CARS1: variants seen among roughly 807,000 people sequenced by gnomAD.
The protein encoded by CARS1 is cysteinyl-tRNA synthetase 1.
Under a neutral mutation model 106.2 loss-of-function variants are expected in CARS1, and 48 were observed. The ratio of observed to expected loss-of-function variants is 0.45; its 90% CI spans 0.36 to 0.57. The LOEUF is 0.57. Ranked by LOEUF, CARS1 falls within the 20% of genes least tolerant of loss-of-function variation. The pLI is 0.00. For synonymous variants in CARS1, 409 were observed against 403.4 expected (o/e 1.01, Z -0.17); for missense variants, 968 against 1,057.2 (o/e 0.92, Z 1.17).
At position 3,053,962 on chromosome 11, in the gene CARS1, C is replaced by G. The variant is rs1407586570; in HGVS notation, c.25+3381G>C. Among the ~76,000 whole-genome samples, 1 of 152,124 alleles carries G rather than the reference C, an allele frequency of 6.6e-6. No individual in the cohort carries two copies. Among genetic ancestry groups the G allele is most frequent in the Admixed American group, 6.5e-5 (1 of 15,270 alleles). On this transcript the variant is annotated intron_variant, in intron 1 of 22. Coordinates refer to ENST00000380525, the MANE Select transcript of CARS1 (RefSeq NM_001014437.3). This position sits in a 1 kb window ranked among gnomAD's most constrained non-coding sequence, Gnocchi z 6.6. ...CCTTTCTGCAAATGTTCCCCTGGTC[C>G]CACCCTCTACAGCTGCTCCTCTTGG...
At chr11:3,023,430 T>C (rs1489853360) in intron 10 of CARS1, among the ~76,000 whole-genome samples, 22 of 152,346 alleles carry the variant, frequency 1.4e-4, no homozygotes, top group Admixed American at 6.5e-5. Flanking sequence ...AGGATCTTGC[T>C]GTCAGCCAGG....
chr11:3,020,209 C>A lies in CARS1; in HGVS notation c.1266+11G>T. On this transcript the variant is annotated intron_variant, in intron 11 of 22. Coordinates refer to ENST00000380525, the MANE Select transcript of CARS1 (RefSeq NM_001014437.3). The surrounding 1 kb of genome is among the most constrained non-coding windows in gnomAD (Gnocchi z 4.6). ...TGTCCAAGCCCCACACCTTCTAGGCCACTCGCTCACCTTTCCCCAAGGGCA... is the reference window on the plus strand; with the variant it reads ...TGTCCAAGCCCCACACCTTCTAGGCAACTCGCTCACCTTTCCCCAAGGGCA... 1 of 1,516,046 alleles carries A rather than the reference C, an allele frequency of 6.6e-7. No homozygotes were observed. The highest frequency in any genetic ancestry group is 1.4e-5 in the African/African-American group (1 of 73,012). The allele number at this position is 1,516,046 out of a possible 1,614,324, so 93.9% of individuals were successfully genotyped here. A position where few individuals can be genotyped will look rare whatever the true frequency, so the allele number is the denominator to read the frequency against.
rs1323223876 is a variant in CARS1 at position 3,045,727 on chromosome 11, G to A, written c.274+2026C>T. Reference sequence around the variant, plus strand: ...AGGGCGAGCAGGAGGAGGGGCACATGGCCCACTGTGCCAGCAAGGAAGGTG... The same window carrying A: ...AGGGCGAGCAGGAGGAGGGGCACATAGCCCACTGTGCCAGCAAGGAAGGTG... On this transcript the variant is annotated intron_variant, in intron 2 of 22. Transcript: ENST00000380525. This position sits in a 1 kb window ranked among gnomAD's most constrained non-coding sequence, Gnocchi z 5.6. 6.6e-6 allele frequency among the ~76,000 whole-genome samples: 1 copy of A among 152,226 alleles called. No homozygotes were observed. Among genetic ancestry groups the A allele is most frequent in the South Asian group, 2.1e-4 (1 of 4,832 alleles).
intron 20 of CARS1, among the ~76,000 whole-genome samples, chr11:3,002,900 A>T (rs1565007608): frequency 6.6e-6 from 1 of 152,168 alleles, no homozygotes; most frequent in Admixed American, 6.5e-5. Context: ...CACCACTAAC[A>T]TGAAGAAATG....
In CARS1 at chr11:3,002,117, C is replaced by T. The variant is rs577982814; in HGVS notation, c.2278-64G>A. 1.1e-4 allele frequency: 114 copies of T among 1,071,862 alleles called. 1 individual carries two copies. In the Middle Eastern group the frequency reaches 1.4e-3, roughly 13 times the overall value. The allele number at this position is 1,071,862 out of a possible 1,614,324, so 66.4% of individuals were successfully genotyped here. The stretch of plus-strand genomic sequence containing the variant: ...AGCACCTGGGGCTCCGCACTGTGAA[C>T]GACATCTGCTCATACCTCCAGCCCT... On this transcript the variant is annotated intron_variant, in intron 21 of 22. Coordinates refer to ENST00000380525, the MANE Select transcript of CARS1 (RefSeq NM_001014437.3).
At chr11:3,013,013 C>G (rs1364878503) in intron 17 of CARS1, among the ~76,000 whole-genome samples, 1 of 151,802 alleles carries the variant, frequency 6.6e-6, no homozygotes, top group East Asian at 1.9e-4. Context: ...CCTCAGCCTC[C>G]CGAGTAGCTG....
rs1438906669 is a variant in CARS1, at chr11:3,022,596, G to T, written c.1154-2264C>A. On this transcript the variant is annotated intron_variant, in intron 10 of 22. Coordinates refer to ENST00000380525, the MANE Select transcript of CARS1 (RefSeq NM_001014437.3). The surrounding 1 kb of genome is among the most constrained non-coding windows in gnomAD (Gnocchi z 4.9). Reference sequence around the variant, plus strand: ...CAATGTCTTTCAAGTTTTCCTTCTTGGTTTCATTTCCTGTCTCTCTCCCCA... The same window carrying T: ...CAATGTCTTTCAAGTTTTCCTTCTTTGTTTCATTTCCTGTCTCTCTCCCCA... Among the ~76,000 whole-genome samples the T allele has an allele frequency of 1.3e-5, 2 of 152,138 alleles. No homozygotes were observed. The highest frequency in any genetic ancestry group is 2.9e-5 in the Non-Finnish European group (2 of 68,014).
At chr11:3,005,291 T>C in intron 20 of CARS1, 75 bp downstream of exon 20, 2 of 1,124,294 alleles carry the variant, frequency 1.8e-6, no homozygotes, top group South Asian at 2.6e-5. Context: ...GCTTAAAAAG[T>C]AAACTATGTA....
At position 3,026,700 on chromosome 11, in the gene CARS1, G is replaced by A. The variant is rs772901347; in HGVS notation, c.1129C>T (p.Gln377Ter). The change falls in exon 10 of 23, where the codon CAG becomes TAG. Residue 377 changes from glutamine (Q) to a stop codon, truncating the protein, a stop_gained. Transcript: ENST00000380525. LOFTEE classifies it high-confidence loss of function. ...CCTTCCCCTTCTTGAAGGGCTTTCT[G>A]ATCTCCAACGGCCTCAGGCACCAGC... The part of the protein sequence containing the change: ...GKLVPEAVGD[Q>*]KALQEGEGDL... 6.2e-7 allele frequency: 1 copy of A among 1,614,000 alleles called. No homozygotes were observed. The highest frequency in any genetic ancestry group is 8.5e-7 in the Non-Finnish European group (1 of 1,179,986).
chr11:3,015,068 G>A (rs1054750640), intron 17 of CARS1, among the ~76,000 whole-genome samples: 16 of 152,324 alleles, frequency 1.1e-4, no homozygotes, highest in East Asian at 7.7e-4. Flanking sequence ...TGTGTCAGAC[G>A]GGACAGGGGT....
At chr11:3,042,527 G>A (rs1278269735) in intron 2 of CARS1, among the ~76,000 whole-genome samples, 2 of 151,966 alleles carry the variant, frequency 1.3e-5, no homozygotes, top group East Asian at 3.9e-4. Flanking sequence ...CGACAACCGC[G>A]TCTTTCTTTT....
rs1405455176 is a variant in CARS1, at chr11:3,022,798, G to T, written c.1154-2466C>A. Among the ~76,000 whole-genome samples the T allele has an allele frequency of 6.6e-6, 1 of 152,134 alleles. No individual in the cohort carries two copies. The highest frequency in any genetic ancestry group is 2.4e-5 in the African/African-American group (1 of 41,424). On this transcript the variant is annotated intron_variant, in intron 10 of 22. Transcript: ENST00000380525. The surrounding 1 kb of genome is among the most constrained non-coding windows in gnomAD (Gnocchi z 4.9). ...CTGGTGGGTCATCTTACTTGGCGGA[G>T]TGAGGAGCTGTCATCATCTAGGACC...
At chr11:3,024,451 T>A (rs1379009288) in intron 10 of CARS1, among the ~76,000 whole-genome samples, 2 of 152,034 alleles carry the variant, frequency 1.3e-5, no homozygotes, top group African/African-American at 4.8e-5. Flanking sequence ...AAAAAAAAAT[T>A]TTTTTAATGT....
chr11:3,051,524 A>G (rs933753523), intron 1 of CARS1, among the ~76,000 whole-genome samples: 6 of 152,212 alleles, frequency 3.9e-5, no homozygotes, highest in African/African-American at 1.4e-4. Flanking sequence ...CTGGAAAACT[A>G]ACTCTAAATA....
intron 12 of CARS1, 136 bp from the exon 13 acceptor site, chr11:3,018,885 G>C: frequency 8.0e-7 from 1 of 1,254,778 alleles, no homozygotes; most frequent in South Asian, 1.5e-5. Flanking sequence ...GGCAGGGCTT[G>C]GAAGGACAGC....
chr11:3,031,539 G>C (rs1852761667), intron 7 of CARS1: 1 of 152,200 alleles, frequency 6.6e-6, no homozygotes, highest in Admixed American at 6.5e-5. Flanking sequence ...TTTCACATAA[G>C]TCAGGAGCTT....
rs553668714 is a variant in CARS1, at chr11:3,004,180, C to T, written c.2217+1186G>A. ...GAGGCAGTCACACCAGCCAACCTCA[C>T]AGGGCAAGCCCAGCTCTTCCCAACC... is the stretch of plus-strand genomic sequence containing the variant. On this transcript the variant is annotated intron_variant, in intron 20 of 22. Coordinates refer to ENST00000380525, the MANE Select transcript of CARS1 (RefSeq NM_001014437.3). The surrounding 1 kb of genome is among the most constrained non-coding windows in gnomAD (Gnocchi z 5.2). Among the ~76,000 whole-genome samples the T allele has an allele frequency of 6.6e-6, 1 of 152,324 alleles. No homozygotes were observed. Among genetic ancestry groups the T allele is most frequent in the South Asian group, 2.1e-4 (1 of 4,832 alleles).
chr11:3,034,631 G>A lies in CARS1; in HGVS notation c.801+3419C>T, dbSNP rs972232408. On this transcript the variant is annotated intron_variant, in intron 7 of 22. Transcript: ENST00000380525. The surrounding 1 kb of genome is among the most constrained non-coding windows in gnomAD (Gnocchi z 6.3). ...TGCAACCTCTGACTCCCTGGTTCAA[G>A]GGATTCTCCCACCTCAGCCTCCCAA... Among the ~76,000 whole-genome samples, 4 of 152,170 alleles carry A rather than the reference G, an allele frequency of 2.6e-5. No homozygotes were observed. Among genetic ancestry groups the A allele is most frequent in the African/African-American group, 9.7e-5 (4 of 41,436 alleles).
intron 16 of CARS1, among the ~76,000 whole-genome samples, chr11:3,016,466 G>A (rs1265372417): frequency 3.9e-5 from 6 of 152,026 alleles, no homozygotes; most frequent in East Asian, 3.9e-4. Flanking sequence ...CTTGTGATCC[G>A]CCCGCCTTGG....
Sources: gnomAD v4.1 joint callset for allele counts (sites outside exome capture counted in the v4.1 genomes callset) on GRCh38, gnomAD v4.1.1 for gene constraint, Gnocchi (gnomAD v3.1) non-coding constraint, MANE v1.5 for transcripts, NCBI Gene and HGNC (gene_info 2026-07-23, HGNC 2026-07-21) for gene names.